The following MMEL1 variants were observed in gnomAD, a reference collection of about 807,000 sequenced individuals.
MMEL1 encodes membrane metalloendopeptidase like 1.
A neutral mutation model predicts 117.1 loss-of-function variants in MMEL1; 98 were observed. That is an observed-to-expected ratio of 0.84 (90% confidence interval 0.71 to 0.99). The LOEUF (loss-of-function observed/expected upper bound fraction) is 0.99. Among genes scored for constraint, MMEL1 ranks in the 50% least tolerant of loss-of-function variants. MMEL1 has a pLI of 0.00. For synonymous variants in MMEL1, 390 were observed against 415.1 expected, an observed-to-expected ratio of 0.94 and a Z score of 0.74; for missense variants, 1,014 against 1,049.1, an observed-to-expected ratio of 0.97 and a Z score of 0.46.
In MMEL1 at chr1:2,629,416, C is replaced by T. The variant is rs534459183; in HGVS notation, c.69G>A (p.Gly23=). Residue 23 remains glycine, a synonymous_variant, in exon 2 of 24, where the codon GGG becomes GGA. Coordinates refer to ENST00000378412, the MANE Select transcript of MMEL1 (RefSeq NM_033467.4). ...GCAGCAGCAGCCCCCCCTCCAGGAA[C>T]CCCGGGCGCTTCTGCCCTGCACGGC... is the stretch of plus-strand genomic sequence containing the variant. ...SAGRAGQKRP[G]FLEGGLLLLL... 1.5e-4 allele frequency: 233 copies of T among 1,545,970 alleles called. 4 individuals carry two copies. The Middle Eastern group carries it at 2.5e-3, about 17-fold the overall frequency.
chr1:2,609,540 C>T lies in MMEL1; in HGVS notation c.455-121G>A. On this transcript the variant is annotated intron_variant, in intron 5 of 23. Transcript: ENST00000378412. The stretch of plus-strand genomic sequence containing the variant: ...GCCCCCCAGCTGCTGGGTCTTTATT[C>T]CCTCTCCTCTGCGCCCACTGGACCA... 4 of 1,514,882 alleles carry T rather than the reference C, an allele frequency of 2.6e-6. No homozygotes were observed. In the East Asian group the frequency reaches 7.0e-5, roughly 26 times the overall value. 93.8% of individuals were successfully genotyped at this position (1,514,882 alleles called of 1,614,324 possible).
chr1:2,608,914 T>A (rs149089490), intron 6 of MMEL1, among the ~76,000 whole-genome samples: 3 of 81,544 alleles, frequency 3.7e-5, no homozygotes, highest in African/African-American at 6.8e-5. Flanking sequence ...AACACATATA[T>A]ACACATACAC....
At chr1:2,609,516 C>T in intron 5 of MMEL1, 97 bp from the exon 6 acceptor site, 1 of 1,502,924 alleles carries the variant, frequency 6.7e-7, no homozygotes, top group Non-Finnish European at 9.1e-7. Context: ...CGAGAGGCGG[C>T]CCCCCAGCTG....
chr1:2,598,231 C>T lies in MMEL1; in HGVS notation c.1248G>A (p.Lys416=), dbSNP rs746627837. The part of the protein sequence containing the change: ...DRIGSLSQRF[K]DTRVNYRKAL... ...CCTTGCGGTAGTTCACTCGTGTGTC[C>T]TTGAATCTCTGGCTTAGGCTACCAA... The change falls in exon 13 of 24, where the codon AAG becomes AAA. Residue 416 remains lysine (K), a synonymous_variant. Transcript: ENST00000378412. 1.5e-5 allele frequency: 25 copies of T among 1,614,082 alleles called. No homozygotes were observed. In the South Asian group the frequency reaches 2.7e-4, roughly 18 times the overall value.
intron 6 of MMEL1, among the ~76,000 whole-genome samples, chr1:2,608,333 T>C (rs554570154): frequency 6.6e-6 from 1 of 152,058 alleles, no homozygotes; most frequent in Non-Finnish European, 1.5e-5. Context: ...GACCCCCAAG[T>C]GGAGGAGTTA....
At chr1:2,601,006 T>C (rs1350584269) in intron 11 of MMEL1, among the ~76,000 whole-genome samples, 1 of 97,484 alleles carries the variant, frequency 1.0e-5, no homozygotes, top group Non-Finnish European at 2.7e-5. Flanking sequence ...GACTCAGCAT[T>C]GCAAAGTCTC....
intron 11 of MMEL1, among the ~76,000 whole-genome samples, chr1:2,603,284 G>A (rs967621711): frequency 1.3e-5 from 2 of 152,196 alleles, no homozygotes; most frequent in African/African-American, 4.8e-5. Context: ...GAAGCTGCAC[G>A]CCTGCGCCTC....
chr1:2,615,427 T>C, intron 2 of MMEL1, among the ~76,000 whole-genome samples: 1 of 152,110 alleles, frequency 6.6e-6, no homozygotes, highest in East Asian at 1.9e-4. Context: ...ACCTGATCAG[T>C]AATCCTCAAG....
chr1:2,592,293 CT>C (rs1644735827), intron 21 of MMEL1, among the ~76,000 whole-genome samples: 1 of 148,850 alleles, frequency 6.7e-6, no homozygotes, highest in Non-Finnish European at 1.5e-5. Flanking sequence ...GCCCCCTCCC[CT>C]GAGGCACTGG....
intron 11 of MMEL1, among the ~76,000 whole-genome samples, chr1:2,600,057 C>G (rs1644907778): frequency 6.6e-6 from 1 of 151,854 alleles, no homozygotes; most frequent in Non-Finnish European, 1.5e-5. Flanking sequence ...AACCTCTGAC[C>G]CCTGGGTTCA....
rs200441153 is a variant in MMEL1, at chr1:2,596,038, C to A, written c.1471G>T (p.Glu491Ter). 11 of 1,613,868 alleles carry A rather than the reference C, an allele frequency of 6.8e-6. No individual in the cohort carries two copies. Among genetic ancestry groups the A allele is most frequent in the Non-Finnish European group, 9.3e-6 (11 of 1,179,944 alleles). The stretch of plus-strand genomic sequence containing the variant: ...TCCTGCGCCTTCTTCTTGGACTCCT[C>A]GTCCATCCAGCCCAGCTCGTCCAGC... ...ETLDELGWMDEESKKKAQEKA... is the reference protein window; with the variant it reads ...ETLDELGWMD Residue 491 changes from glutamate to a stop codon, truncating the protein, a stop_gained, in exon 15 of 24, where the codon GAG becomes TAG. Coordinates refer to ENST00000378412, the MANE Select transcript of MMEL1 (RefSeq NM_033467.4). LOFTEE classifies it high-confidence loss of function.
intron 19 of MMEL1, 25 bp from the exon 20 acceptor site, chr1:2,592,991 C>T (rs1397487242): frequency 1.2e-6 from 2 of 1,609,886 alleles, no homozygotes; most frequent in Non-Finnish European, 8.5e-7. Flanking sequence ...AGGAGGGCTG[C>T]CCACATGCCC....
At position 2,591,972 on chromosome 1, in the gene MMEL1, TC is replaced by T. The variant is rs748361725; in HGVS notation, c.2122del (p.Asp708IlefsTer37). On this transcript the variant is annotated frameshift_variant, in exon 22 of 24. Transcript: ENST00000378412. LOFTEE classifies it high-confidence loss of function. ...GGKDQQLPGL[D>X]LTHEQLFFIN... ...GAAGAAGAGCTGCTCATGGGTGAGA[TC>T]CAGGCCGGGCAGCTGCTGGTCCTTG... 8 of 1,613,292 alleles carry T rather than the reference TC, an allele frequency of 5.0e-6. No individual in the cohort carries two copies. Among genetic ancestry groups the T allele is most frequent in the Non-Finnish European group, 5.9e-6 (7 of 1,179,830 alleles).
At position 2,595,358 on chromosome 1, in the gene MMEL1, G is replaced by A; in HGVS notation, c.1502C>T (p.Ala501Val). ...CCCGATCTGCTCCCGGATGCTCATG[G>A]CCTGAGTGGGGAGGAGGGACTGGTC... ...EESKKKAQEK[A>V]MSIREQIGHP... Residue 501 changes from alanine to valine, a missense_variant and splice_region_variant, in exon 16 of 24, where the codon GCC (alanine) becomes GTC (valine). By Grantham distance (64) the Ala-to-Val change is moderately conservative (BLOSUM62 0). Transcript: ENST00000378412. The surrounding 1 kb of genome is among the most constrained non-coding windows in gnomAD (Gnocchi z 4.8). The A allele has an allele frequency of 6.2e-7, 1 of 1,613,790 alleles. No individual in the cohort carries two copies. The highest frequency in any genetic ancestry group is 1.3e-5 in the African/African-American group (1 of 75,052).
chr1:2,594,449 A>G lies in MMEL1; in HGVS notation c.1689-6T>C. ...CCGCCGCCCCGATGATCCAGCTGTGATAGACAAGCCGGTCTCTGGGAGCCG... is the reference window on the plus strand; with the variant it reads ...CCGCCGCCCCGATGATCCAGCTGTGGTAGACAAGCCGGTCTCTGGGAGCCG... On this transcript the variant is annotated splice_region_variant and splice_polypyrimidine_tract_variant and intron_variant, in intron 17 of 23. Transcript: ENST00000378412. 1.3e-6 allele frequency: 2 copies of G among 1,551,210 alleles called. No homozygotes were observed. The highest frequency in any genetic ancestry group is 1.7e-6 in the Non-Finnish European group (2 of 1,146,916).
At position 2,618,673 on chromosome 1, in the gene MMEL1, C is replaced by G. The variant is rs1645241631; in HGVS notation, c.155-6469G>C. ...GCGGAGAAGCCAATTTAAAGAAACT[C>G]CAGGCTGGTAGTGTCCTAAGGTGCC... On this transcript the variant is annotated intron_variant, in intron 2 of 23. Coordinates refer to ENST00000378412, the MANE Select transcript of MMEL1 (RefSeq NM_033467.4). Among the ~76,000 whole-genome samples, 4 of 152,188 alleles carry G rather than the reference C, an allele frequency of 2.6e-5. No homozygotes were observed. The South Asian group carries it at 8.3e-4, about 32-fold the overall frequency.
intron 6 of MMEL1, among the ~76,000 whole-genome samples, chr1:2,608,793 T>C (rs1349040503): frequency 2.0e-5 from 3 of 152,068 alleles, no homozygotes; most frequent in Admixed American, 6.5e-5. Context: ...ACACACCGCA[T>C]GCATATACAT....
chr1:2,594,053 T>A, intron 18 of MMEL1, 120 bp from the exon 19 acceptor site: 1 of 1,314,580 alleles, frequency 7.6e-7, no homozygotes, highest in Non-Finnish European at 1.0e-6. Flanking sequence ...GAGGCAGAGG[T>A]CAGGATTCCC....
At chr1:2,611,920 G>A (rs1645136273) in intron 3 of MMEL1, among the ~76,000 whole-genome samples, 1 of 152,202 alleles carries the variant, frequency 6.6e-6, no homozygotes, top group Non-Finnish European at 1.5e-5. Context: ...AGGAGCAGGT[G>A]CGGAGTGTCC....
Sources: gnomAD v4.1 joint callset for allele counts (sites outside exome capture counted in the v4.1 genomes callset) on GRCh38, gnomAD v4.1.1 for gene constraint, Gnocchi (gnomAD v3.1) non-coding constraint, MANE v1.5 for transcripts, NCBI Gene and HGNC (gene_info 2026-07-23, HGNC 2026-07-21) for gene names.